Variants in SCN2A observed in about 807,000 individuals in gnomAD.
SCN2A encodes the protein sodium channel protein type 2 subunit alpha.
Under a neutral mutation model 188.7 loss-of-function variants are expected in SCN2A, and 20 were observed. That is an observed-to-expected ratio of 0.11 (90% CI 0.07 to 0.15). The LOEUF is 0.15. SCN2A is among the 10% of genes least tolerant of loss of function. The probability of loss-of-function intolerance (pLI) is 1.00; values close to 1 mark genes in which losing one functional copy is unlikely to be tolerated. For missense variants in SCN2A, 1,278 were observed against 2,445.0 expected, an observed-to-expected ratio of 0.52 and a Z score of 10.07; for synonymous variants, 804 against 833.1, an observed-to-expected ratio of 0.97 and a Z score of 0.60.
chr2:165,295,256 G>A (rs575059020), intron 1 of SCN2A, among the ~76,000 whole-genome samples: 184 of 152,302 alleles, frequency 1.2e-3, no homozygotes, highest in Middle Eastern at 6.8e-3. Context: ...TTTTTACCCA[G>A]TGAATTGACT....
chr2:165,380,222 T>A (rs914593089), intron 23 of SCN2A, among the ~76,000 whole-genome samples: 1 of 151,808 alleles, frequency 6.6e-6, no homozygotes, highest in African/African-American at 2.4e-5. Flanking sequence ...AAAGTAAATC[T>A]TAAAAGTTTT....
intron 11 of SCN2A, among the ~76,000 whole-genome samples, chr2:165,317,751 C>T (rs1697839061): frequency 6.6e-6 from 1 of 152,122 alleles, no homozygotes; most frequent in African/African-American, 2.4e-5. Flanking sequence ...TATAAGCAAT[C>T]ACTGACTTAG....
chr2:165,342,040 T>C (rs1699347719), intron 14 of SCN2A, among the ~76,000 whole-genome samples: 1 of 152,184 alleles, frequency 6.6e-6, no homozygotes, highest in African/African-American at 2.4e-5. Context: ...AATGAGTCAG[T>C]TGCACCTTTC....
At chr2:165,259,698 A>G (rs895111652) in intron 1 of SCN2A, among the ~76,000 whole-genome samples, 1 of 152,102 alleles carries the variant, frequency 6.6e-6, no homozygotes, top group Non-Finnish European at 1.5e-5. Flanking sequence ...TTTCTACCGC[A>G]TCTGCAGTTA....
chr2:165,309,211 A>T, intron 5 of SCN2A, 141 bp from the exon 6 acceptor site: 2 of 1,613,652 alleles, frequency 1.2e-6, no homozygotes, highest in Non-Finnish European at 1.7e-6. Context: ...AGCTCTTCGA[A>T]CTTTCAGAGT....
At chr2:165,246,912 C>T (rs1483414918) in intron 1 of SCN2A, among the ~76,000 whole-genome samples, 18 of 152,156 alleles carry the variant, frequency 1.2e-4, no homozygotes, top group Admixed American at 1.2e-3. Context: ...CCTCAAACCA[C>T]CAATACCTCC....
At chr2:165,339,336 C>T (rs1699184812) in intron 14 of SCN2A, among the ~76,000 whole-genome samples, 1 of 151,776 alleles carries the variant, frequency 6.6e-6, no homozygotes, top group Non-Finnish European at 1.5e-5. Flanking sequence ...AGTGCTTTCC[C>T]CTTAACATAG....
intron 1 of SCN2A, chr2:165,268,164 G>A (rs1694954136): frequency 6.6e-6 from 1 of 151,836 alleles, no homozygotes; most frequent in Non-Finnish European, 1.5e-5. Flanking sequence ...AGAGAAAGAA[G>A]GAATCCACCC....
intron 14 of SCN2A, among the ~76,000 whole-genome samples, chr2:165,334,624 T>A (rs1698886523): frequency 6.6e-6 from 1 of 151,800 alleles, no homozygotes; most frequent in South Asian, 2.1e-4. Flanking sequence ...AACTTCAGCC[T>A]GATAAACACC....
intron 25 of SCN2A, 152 bp downstream of exon 25, chr2:165,381,349 T>A: frequency 1.8e-6 from 1 of 562,142 alleles, no homozygotes. Flanking sequence ...GCTTGAAAAA[T>A]GTACTTTACA....
chr2:165,309,692 G>T (rs1240544400), intron 6 of SCN2A, among the ~76,000 whole-genome samples: 2 of 152,094 alleles, frequency 1.3e-5, no homozygotes, highest in Non-Finnish European at 2.9e-5. Flanking sequence ...AGGCTACATG[G>T]TTTGCATCCT....
chr2:165,337,912 A>C (rs1699087109), intron 14 of SCN2A, among the ~76,000 whole-genome samples: 1 of 152,098 alleles, frequency 6.6e-6, no homozygotes, highest in Admixed American at 6.5e-5. Context: ...TTTTTTCCTT[A>C]ATTTTTTTCA....
At chr2:165,321,699 C>A (rs750238822) in intron 11 of SCN2A, among the ~76,000 whole-genome samples, 30 of 152,116 alleles carry the variant, frequency 2.0e-4, no homozygotes, top group Admixed American at 3.9e-4. Flanking sequence ...GACTTATTCA[C>A]TACCATGAGA....
At chr2:165,317,189 A>C (rs1697801719) in intron 11 of SCN2A, among the ~76,000 whole-genome samples, 1 of 152,080 alleles carries the variant, frequency 6.6e-6, no homozygotes, top group Admixed American at 6.6e-5. Flanking sequence ...GATTAATTCA[A>C]ATTTAACATA....
chr2:165,314,123 C>G lies in SCN2A; in HGVS notation c.1383+15C>G, dbSNP rs760832407. On this transcript the variant is annotated intron_variant, in intron 10 of 26. Coordinates refer to ENST00000375437, the MANE Select transcript of SCN2A (RefSeq NM_001040142.2). ...AAGAAGCTCAGGTATAGTGAACAAG[C>G]ATACGGTCCTTTGTTTTTCTTTATC... 16 of 1,610,582 alleles carry G rather than the reference C, an allele frequency of 9.9e-6. No homozygotes were observed. Among genetic ancestry groups the G allele is most frequent in the Non-Finnish European group, 8.5e-7 (1 of 1,177,782 alleles).
intron 6 of SCN2A, 91 bp downstream of exon 6, chr2:165,309,534 A>G: frequency 6.9e-7 from 1 of 1,453,076 alleles, no homozygotes; most frequent in South Asian, 1.2e-5. Flanking sequence ...CTAGTTGCAT[A>G]TTGCAAATAA....
chr2:165,362,935 T>C (rs1316628993), intron 17 of SCN2A, among the ~76,000 whole-genome samples: 1 of 152,082 alleles, frequency 6.6e-6, no homozygotes, highest in Admixed American at 6.6e-5. Flanking sequence ...ATCATGATTG[T>C]TGCAAAATAG....
intron 1 of SCN2A, among the ~76,000 whole-genome samples, chr2:165,259,716 C>T (rs770306103): frequency 3.2e-4 from 48 of 152,250 alleles, no homozygotes; most frequent in Non-Finnish European, 5.1e-4. Context: ...TTACTTCCTC[C>T]ACCGAATTCT....
At chr2:165,375,809 G>A (rs183916508) in intron 22 of SCN2A, among the ~76,000 whole-genome samples, 3 of 151,542 alleles carry the variant, frequency 2.0e-5, no homozygotes, top group African/African-American at 4.8e-5. Flanking sequence ...ATATATGTGT[G>A]TGTATACACG....
Sources: allele counts gnomAD v4.1 joint callset (sites outside exome capture counted in the v4.1 genomes callset), GRCh38; gene constraint gnomAD v4.1.1; transcripts MANE v1.5; gene names NCBI Gene and HGNC (gene_info 2026-07-23, HGNC 2026-07-21).